Variants in ADAM12 observed in about 807,000 individuals in gnomAD.
ADAM12 encodes the protein ADAM metallopeptidase domain 12, also known as disintegrin and metalloproteinase domain-containing protein 12.
Under a neutral mutation model 106.4 loss-of-function variants are expected in ADAM12, and 70 were observed. That is an observed-to-expected ratio of 0.66 (90% CI 0.54 to 0.80). The LOEUF is 0.80. Ranked by LOEUF, ADAM12 falls within the 30% of genes least tolerant of loss-of-function variation. The pLI, the probability that ADAM12 is intolerant of heterozygous loss-of-function variation, is 0.00. For missense variants in ADAM12, 1,010 were observed against 1,171.9 expected (o/e 0.86, Z 2.02); for synonymous variants, 420 against 433.5 (o/e 0.97, Z 0.39).
At chr10:126,101,364 T>G (rs1159662971) in intron 8 of ADAM12, 123 bp from the exon 9 acceptor site, 4 of 929,628 alleles carry the variant, frequency 4.3e-6, no homozygotes, top group Admixed American at 2.5e-5. Context: ...AATATCTCTG[T>G]GCTCTTTGGT....
At chr10:126,130,864 T>C (rs1956291726) in intron 5 of ADAM12, among the ~76,000 whole-genome samples, 1 of 152,206 alleles carries the variant, frequency 6.6e-6, no homozygotes, top group African/African-American at 2.4e-5. Flanking sequence ...TTAATGTCAC[T>C]AGTTTATAAG....
At chr10:126,111,425 T>C (rs1955866091) in intron 6 of ADAM12, among the ~76,000 whole-genome samples, 2 of 152,024 alleles carry the variant, frequency 1.3e-5, no homozygotes, top group Admixed American at 1.3e-4. Flanking sequence ...CATTGAGGCG[T>C]GAAAGAGGCA....
chr10:126,272,196 C>T (rs1295095680), intron 3 of ADAM12, among the ~76,000 whole-genome samples: 1 of 152,220 alleles, frequency 6.6e-6, no homozygotes, highest in Non-Finnish European at 1.5e-5. Context: ...GGAACTTTAT[C>T]TTATTCACTA....
intron 4 of ADAM12, among the ~76,000 whole-genome samples, chr10:126,153,150 T>G (rs371032508): frequency 6.6e-6 from 1 of 152,258 alleles, no homozygotes; most frequent in South Asian, 2.1e-4. Context: ...CATCTTTGTA[T>G]GAAAATGTCT....
At chr10:126,193,380 C>T (rs989470577) in intron 3 of ADAM12, among the ~76,000 whole-genome samples, 1 of 149,358 alleles carries the variant, frequency 6.7e-6, no homozygotes, top group Non-Finnish European at 1.5e-5. Flanking sequence ...TAAGGTTTTG[C>T]TTAATTTGCA....
At chr10:126,196,265 A>G (rs1392401834) in intron 3 of ADAM12, among the ~76,000 whole-genome samples, 6 of 152,236 alleles carry the variant, frequency 3.9e-5, no homozygotes, top group Non-Finnish European at 7.3e-5. Flanking sequence ...ATGGCAAGTG[A>G]TATCTGTCAG....
intron 3 of ADAM12, among the ~76,000 whole-genome samples, chr10:126,182,175 G>A (rs1017277289): frequency 6.6e-6 from 1 of 152,194 alleles, no homozygotes; most frequent in Non-Finnish European, 1.5e-5. Context: ...AGTTTCCTTT[G>A]AGATGCCTTG....
chr10:126,042,972 C>A, intron 18 of ADAM12, 68 bp downstream of exon 18: 1 of 1,473,456 alleles, frequency 6.8e-7, no homozygotes. Context: ...CCCATGCTGA[C>A]AGCTGGCGAG....
chr10:126,126,776 G>A (rs973849547), intron 5 of ADAM12, among the ~76,000 whole-genome samples: 1 of 151,814 alleles, frequency 6.6e-6, no homozygotes, highest in Non-Finnish European at 1.5e-5. Flanking sequence ...TGAAGGAGAC[G>A]CTATAGGGGA....
At chr10:126,085,779 G>A (rs749659336) in intron 11 of ADAM12, among the ~76,000 whole-genome samples, 4 of 152,174 alleles carry the variant, frequency 2.6e-5, no homozygotes, top group Middle Eastern at 3.4e-3. Context: ...CCAGCCACCC[G>A]CTCATGGATC....
At position 126,056,502 on chromosome 10, in the gene ADAM12, G is replaced by A. The variant is rs566709659; in HGVS notation, c.1610-6833C>T. 2.0e-5 allele frequency among the ~76,000 whole-genome samples: 3 copies of A among 152,278 alleles called. No homozygotes were observed. In the East Asian group the frequency reaches 5.8e-4, roughly 29 times the overall value. ...ACTCACGGGTAGCCCCAATAGATACGATCTTTTGCTTCCTTTTATCAGTCC... is the reference window on the plus strand; with the variant it reads ...ACTCACGGGTAGCCCCAATAGATACAATCTTTTGCTTCCTTTTATCAGTCC... On this transcript the variant is annotated intron_variant, in intron 14 of 22. Coordinates refer to ENST00000448723, the MANE Select transcript of ADAM12 (RefSeq NM_001288973.2).
At chr10:126,137,229 G>T (rs1956421153) in intron 4 of ADAM12, among the ~76,000 whole-genome samples, 1 of 152,112 alleles carries the variant, frequency 6.6e-6, no homozygotes, top group Admixed American at 6.5e-5. Flanking sequence ...AAGGCCCACA[G>T]TATGTTTGTG....
chr10:126,252,197 A>AC (rs1382245583), intron 3 of ADAM12, among the ~76,000 whole-genome samples: 39 of 8,786 alleles, frequency 4.4e-3, no homozygotes, highest in Non-Finnish European at 9.7e-3. Context: ...GATGGGATGG[A>AC]TGAGATGGAT....
chr10:126,044,049 C>G (rs2133420847), intron 17 of ADAM12, among the ~76,000 whole-genome samples: 1 of 152,228 alleles, frequency 6.6e-6, no homozygotes, highest in South Asian at 2.1e-4. Flanking sequence ...GTTGGACTCG[C>G]TATTATGCCA....
At chr10:126,190,664 C>T (rs1957482512) in intron 3 of ADAM12, among the ~76,000 whole-genome samples, 1 of 152,040 alleles carries the variant, frequency 6.6e-6, no homozygotes. Context: ...GCTGTTTTGT[C>T]TATGAAAGCG....
intron 3 of ADAM12, among the ~76,000 whole-genome samples, chr10:126,215,570 A>T (rs1957972907): frequency 6.6e-6 from 1 of 152,154 alleles, no homozygotes; most frequent in South Asian, 2.1e-4. Flanking sequence ...GAAAACCTTT[A>T]TATAAAAAGT....
At chr10:126,284,890 G>T (rs1959774822) in intron 2 of ADAM12, among the ~76,000 whole-genome samples, 2 of 152,170 alleles carry the variant, frequency 1.3e-5, no homozygotes, top group African/African-American at 4.8e-5. Flanking sequence ...TCTCTTCACT[G>T]GGGCTGTTTT....
intron 2 of ADAM12, among the ~76,000 whole-genome samples, chr10:126,325,451 C>G (rs1287205987): frequency 1.8e-4 from 27 of 152,182 alleles, no homozygotes; most frequent in Admixed American, 1.8e-3. Context: ...TCCGTTTTCT[C>G]AGCTGTAAAA....
chr10:126,346,315 C>G (rs1023207115), intron 1 of ADAM12, among the ~76,000 whole-genome samples: 3 of 152,162 alleles, frequency 2.0e-5, no homozygotes, highest in African/African-American at 4.8e-5. Context: ...GTTCAGTTTC[C>G]ATGTAGCTGA....
Sources: gnomAD v4.1 joint callset for allele counts (sites outside exome capture counted in the v4.1 genomes callset) on GRCh38, gnomAD v4.1.1 for gene constraint, MANE v1.5 for transcripts, NCBI Gene and HGNC (gene_info 2026-07-23, HGNC 2026-07-21) for gene names.